Variants in DGKH observed in about 807,000 individuals in gnomAD.
DGKH encodes the protein diacylglycerol kinase eta.
In DGKH, 90 loss-of-function variants were observed where a neutral mutation model predicts 159.3. The ratio of observed to expected loss-of-function variants is 0.57; its 90% CI spans 0.48 to 0.67. DGKH has a LOEUF of 0.67. Among genes scored for constraint, DGKH ranks in the 30% least tolerant of loss-of-function variants. DGKH has a pLI of 0.00. For synonymous variants in DGKH, 536 were observed against 553.8 expected, an observed-to-expected ratio of 0.97 and a Z score of 0.45; for missense variants, 1,181 against 1,506.1, an observed-to-expected ratio of 0.78 and a Z score of 3.57.
chr13:42,216,648 C>G (rs919173169), intron 26 of DGKH: 18 of 152,208 alleles, frequency 1.2e-4, no homozygotes, highest in African/African-American at 3.6e-4. Context: ...AGAAGAGAAG[C>G]TGAAAGGCTG....
intron 1 of DGKH, among the ~76,000 whole-genome samples, chr13:42,120,768 A>G (rs1955051797): frequency 6.7e-6 from 1 of 149,902 alleles, no homozygotes; most frequent in Non-Finnish European, 1.5e-5. Flanking sequence ...GTAGATCTCG[A>G]AAGTTCATGA....
chr13:42,178,094 G>T, intron 12 of DGKH, 41 bp from the exon 13 acceptor site: 1 of 1,489,122 alleles, frequency 6.7e-7, no homozygotes, highest in Non-Finnish European at 9.2e-7. Flanking sequence ...TTGTATAAAT[G>T]CCAGCAACAA....
intron 19 of DGKH, 63 bp from the exon 20 acceptor site, chr13:42,199,750 C>G: frequency 6.4e-7 from 1 of 1,563,062 alleles, no homozygotes; most frequent in Non-Finnish European, 8.7e-7. Flanking sequence ...TTTTTGCTTG[C>G]TCTGCCTTTA....
Position 42,232,010 on chromosome 13 carries a change from AC to A in DGKH, c.*2824del, listed in dbSNP as rs1165172164. 1 of 152,170 alleles carries A rather than the reference AC, an allele frequency of 6.6e-6. No individual in the cohort carries two copies. Among genetic ancestry groups the A allele is most frequent in the Admixed American group, 6.6e-5 (1 of 15,266 alleles). The allele number at this position is 152,170 out of a possible 1,614,324, so 9.4% of individuals were successfully genotyped here. ...GCAGGGCCCAAATGACTTCACTGAC[AC>A]CTGTTTCCAGGAGGGGGTCTTCAGA... is the stretch of plus-strand genomic sequence containing the variant. On this transcript the variant is annotated 3_prime_UTR_variant, in exon 30 of 30. Coordinates refer to ENST00000337343, the MANE Select transcript of DGKH (RefSeq NM_178009.5).
chr13:42,207,042 C>CT (rs1566191928), intron 21 of DGKH, among the ~76,000 whole-genome samples: 11 of 38,126 alleles, frequency 2.9e-4, no homozygotes, highest in African/African-American at 1.0e-3. Flanking sequence ...TCTTTCTTTC[C>CT]TTCTTTCCTT....
intron 3 of DGKH, among the ~76,000 whole-genome samples, chr13:42,130,830 A>C (rs545799053): frequency 2.6e-5 from 4 of 151,966 alleles, no homozygotes; most frequent in African/African-American, 9.7e-5. Flanking sequence ...CCCCAGGGAG[A>C]GTTTAGTTTG....
At chr13:42,072,575 G>A (rs917156690) in intron 1 of DGKH, among the ~76,000 whole-genome samples, 2 of 152,150 alleles carry the variant, frequency 1.3e-5, no homozygotes. Context: ...AAGAAATACA[G>A]ATCTGCCCAC....
downstream of DGKH, among the ~76,000 whole-genome samples, chr13:42,247,306 C>T (rs976073335): frequency 9.3e-5 from 14 of 150,200 alleles, no homozygotes; most frequent in Admixed American, 2.0e-4. Context: ...TCTCGACTCA[C>T]GGCAACCTGT....
intron 3 of DGKH, among the ~76,000 whole-genome samples, chr13:42,134,739 A>G (rs1170617244): frequency 6.6e-6 from 1 of 152,176 alleles, no homozygotes; most frequent in Non-Finnish European, 1.5e-5. Context: ...GTGGTGGCTC[A>G]TGCCTGTAAT....
intron 7 of DGKH, 83 bp from the exon 8 acceptor site, chr13:42,165,248 T>C (rs1278779167): frequency 1.5e-6 from 1 of 652,594 alleles, no homozygotes; most frequent in East Asian, 3.0e-5. Flanking sequence ...CAGTTGATTC[T>C]AGATTATCAG....
chr13:42,233,717 A>G lies in DGKH; in HGVS notation c.*4529A>G, dbSNP rs1188961280. The G allele has an allele frequency of 6.6e-6, 1 of 152,226 alleles. No homozygotes were observed. The highest frequency in any genetic ancestry group is 2.4e-5 in the African/African-American group (1 of 41,458). 9.4% of individuals were successfully genotyped at this position (152,226 alleles called of 1,614,324 possible). ...CTAGCCCTCCCTCCACCTCTAAGTC[A>G]CTAACAATCCATGTTTGTTCAGTTT... On this transcript the variant is annotated 3_prime_UTR_variant, in exon 30 of 30. Transcript: ENST00000337343.
chr13:42,148,991 C>T (rs1465606197), intron 3 of DGKH, among the ~76,000 whole-genome samples: 1 of 120,256 alleles, frequency 8.3e-6, no homozygotes. Context: ...CTTGGCTGGG[C>T]TGGAATGCAG....
intron 25 of DGKH, 150 bp from the exon 26 acceptor site, chr13:42,215,424 AC>A (rs1957764946): frequency 1.9e-6 from 1 of 529,240 alleles, no homozygotes; most frequent in African/African-American, 1.9e-5. Context: ...AGTCATACAA[AC>A]AAATGTATGA....
In DGKH at chr13:42,133,717, AAAAGAAC is replaced by A. The variant is rs984621087; in HGVS notation, c.384+4099_384+4105del. 7.9e-5 allele frequency among the ~76,000 whole-genome samples: 12 copies of A among 152,298 alleles called. No homozygotes were observed. In the South Asian group the frequency reaches 1.4e-3, roughly 18 times the overall value. ...TCTCTAAAACAAAACAAAACAAAAT[AAAAGAAC>A]AAAGAACAAAGAAACAAAAACAAAT... On this transcript the variant is annotated intron_variant, in intron 3 of 29. Transcript: ENST00000337343.
In DGKH at chr13:42,083,620, C is replaced by A. The variant is rs141464528; in HGVS notation, c.192+34655C>A. Among the ~76,000 whole-genome samples, 463 of 152,232 alleles carry A rather than the reference C, an allele frequency of 3.0e-3. 5 individuals carry two copies. Among genetic ancestry groups the A allele is most frequent in the African/African-American group, 0.011 (448 of 41,538 alleles). On this transcript the variant is annotated intron_variant, in intron 1 of 29. Coordinates refer to ENST00000337343, the MANE Select transcript of DGKH (RefSeq NM_178009.5). ...AAGTTTGGATGCGGGCTGAACTGGG[C>A]TTCGGGTTGGACTGGGCTTCTGTGG...
intron 1 of DGKH, among the ~76,000 whole-genome samples, chr13:42,115,168 T>C (rs1954941378): frequency 6.6e-6 from 1 of 152,250 alleles, no homozygotes; most frequent in Non-Finnish European, 1.5e-5. Flanking sequence ...TTATGCTTCC[T>C]GCCAGTATAG....
intron 20 of DGKH, among the ~76,000 whole-genome samples, chr13:42,202,537 C>T (rs919469370): frequency 9.9e-5 from 15 of 152,234 alleles, no homozygotes; most frequent in African/African-American, 3.4e-4. Flanking sequence ...TCCCTATATA[C>T]GAAATTGATA....
intron 3 of DGKH, among the ~76,000 whole-genome samples, chr13:42,141,613 C>G (rs904200319): frequency 2.0e-5 from 3 of 152,192 alleles, no homozygotes; most frequent in African/African-American, 7.2e-5. Context: ...GAGATGGTAT[C>G]TCATTGTGGT....
chr13:42,076,037 G>A (rs1474257480), intron 1 of DGKH, among the ~76,000 whole-genome samples: 5 of 152,026 alleles, frequency 3.3e-5, no homozygotes, highest in South Asian at 2.1e-4. Context: ...GGATTGTTGC[G>A]TGTAATCCTC....
Sources: allele counts gnomAD v4.1 joint callset (sites outside exome capture counted in the v4.1 genomes callset), GRCh38; gene constraint gnomAD v4.1.1; transcripts MANE v1.5; gene names NCBI Gene and HGNC (gene_info 2026-07-23, HGNC 2026-07-21).